LARGE1: variants seen among roughly 807,000 people sequenced by gnomAD.
LARGE1 encodes the protein LARGE xylosyl- and glucuronyltransferase 1.
LARGE1 carries 43 observed loss-of-function variants against 87.6 expected under a neutral mutation model. That is an observed-to-expected ratio of 0.49 (90% CI 0.38 to 0.63). The LOEUF is 0.63. Ranked by LOEUF, LARGE1 falls within the 30% of genes least tolerant of loss-of-function variation. The probability of loss-of-function intolerance (pLI) is 0.00; values close to 1 mark genes in which losing one functional copy is unlikely to be tolerated. For missense variants in LARGE1, 802 were observed against 1,000.2 expected, an observed-to-expected ratio of 0.80 and a Z score of 2.67; for synonymous variants, 434 against 394.6, an observed-to-expected ratio of 1.10 and a Z score of -1.18.
chr22:33,131,824 T>C, the LARGE1 span, among the ~76,000 whole-genome samples: 1 of 151,500 alleles, frequency 6.6e-6, no homozygotes, highest in Non-Finnish European at 1.5e-5. Context: ...ATTTTCATGC[T>C]GCTGATAAAG....
chr22:33,915,044 G>GAGAGAGAC (rs1221002604), intron 1 of LARGE1, among the ~76,000 whole-genome samples: 52 of 102,026 alleles, frequency 5.1e-4, no homozygotes, highest in Middle Eastern at 5.2e-3. Flanking sequence ...CACACACACA[G>GAGAGAGAC]AGAGAGAGAG....
At chr22:33,815,731 CTCTG>C (rs1159616400) in intron 1 of LARGE1, among the ~76,000 whole-genome samples, 1 of 152,208 alleles carries the variant, frequency 6.6e-6, no homozygotes, top group Non-Finnish European at 1.5e-5. Context: ...AGGATCTGAA[CTCTG>C]TCTTTCTGTG....
At chr22:33,228,198 T>A (rs1250936760) in intron 11 of LARGE1, among the ~76,000 whole-genome samples, 1 of 152,266 alleles carries the variant, frequency 6.6e-6, no homozygotes, top group Non-Finnish European at 1.5e-5. Context: ...TTTAGAGCAC[T>A]GCCTGGCACA....
the LARGE1 span, among the ~76,000 whole-genome samples, chr22:33,107,267 T>C: frequency 6.8e-6 from 1 of 147,972 alleles, no homozygotes; most frequent in Non-Finnish European, 1.5e-5. Flanking sequence ...CATATTTTAA[T>C]ATTTCCAAAT....
chr22:33,584,480 A>G (rs2078611269), intron 5 of LARGE1, among the ~76,000 whole-genome samples: 1 of 152,202 alleles, frequency 6.6e-6, no homozygotes, highest in Non-Finnish European at 1.5e-5. Flanking sequence ...GTTTTCACTA[A>G]ATTCTTGGAG....
At chr22:33,219,258 T>C (rs1232435280) in intron 11 of LARGE1, among the ~76,000 whole-genome samples, 1 of 152,114 alleles carries the variant, frequency 6.6e-6, no homozygotes, top group Non-Finnish European at 1.5e-5. Flanking sequence ...TATGAATCCA[T>C]ATCTATAAGA....
At chr22:33,439,281 T>C (rs928099390) in intron 6 of LARGE1, among the ~76,000 whole-genome samples, 14 of 151,674 alleles carry the variant, frequency 9.2e-5, no homozygotes, top group African/African-American at 3.2e-4. Context: ...CTAAAGGCAC[T>C]TCTCTTCCTC....
chr22:33,741,785 C>T (rs766672580), intron 2 of LARGE1, among the ~76,000 whole-genome samples: 46 of 152,210 alleles, frequency 3.0e-4, no homozygotes, highest in Non-Finnish European at 5.3e-4. Flanking sequence ...CTCTGTCCTG[C>T]AATCACCTTG....
intron 1 of LARGE1, among the ~76,000 whole-genome samples, chr22:33,779,088 G>A (rs537964918): frequency 2.0e-5 from 3 of 152,048 alleles, no homozygotes; most frequent in African/African-American, 4.8e-5. Context: ...AAACATTTGC[G>A]CGTAAGTACT....
rs559156955 is a variant in LARGE1, at chr22:33,624,217, T to C, written c.491+2027A>G. On this transcript the variant is annotated intron_variant, in intron 4 of 14. Coordinates refer to ENST00000397394, the MANE Select transcript of LARGE1 (RefSeq NM_133642.5). The stretch of plus-strand genomic sequence containing the variant: ...GACTGACTTGTCAAATAAGTAAACA[T>C]TTATTGAGCATGTAATACGTGTCAG... 8.5e-5 allele frequency among the ~76,000 whole-genome samples: 13 copies of C among 152,220 alleles called. 1 individual carries two copies. The South Asian group carries it at 2.7e-3, about 32-fold the overall frequency.
intron 2 of LARGE1, among the ~76,000 whole-genome samples, chr22:33,668,925 A>G (rs959316046): frequency 1.3e-5 from 2 of 152,230 alleles, no homozygotes; most frequent in African/African-American, 4.8e-5. Context: ...CAATAATGGA[A>G]GGGCAAGAGA....
At chr22:33,570,097 A>T (rs2078151183) in intron 5 of LARGE1, among the ~76,000 whole-genome samples, 1 of 152,110 alleles carries the variant, frequency 6.6e-6, no homozygotes, top group Non-Finnish European at 1.5e-5. Flanking sequence ...GAGCTGTGTG[A>T]CCTCAGGTAA....
chr22:33,816,665 C>CGGATGGAT (rs1556115435), intron 1 of LARGE1, among the ~76,000 whole-genome samples: 15 of 125,822 alleles, frequency 1.2e-4, no homozygotes, highest in Admixed American at 3.0e-4. Flanking sequence ...GACGGATGCA[C>CGGATGGAT]GGATGGATGG....
At chr22:33,482,659 G>A (rs1002184003) in intron 6 of LARGE1, among the ~76,000 whole-genome samples, 2 of 152,186 alleles carry the variant, frequency 1.3e-5, no homozygotes, top group Admixed American at 6.5e-5. Flanking sequence ...GGCCACCTAT[G>A]TAACAAACCT....
rs937690372 is a variant in LARGE1, at chr22:33,860,142, AT to A, written c.-83+59852del. On this transcript the variant is annotated intron_variant, in intron 1 of 14. Transcript: ENST00000397394. Reference sequence around the variant, plus strand: ...GTATTTTACAATTAAAAAATTTTAAATTTTTTTTTAAATTAAAAAAAAATTT... The same window carrying A: ...GTATTTTACAATTAAAAAATTTTAAATTTTTTTTAAATTAAAAAAAAATTT... Among the ~76,000 whole-genome samples the A allele has an allele frequency of 1.6e-3, 242 of 151,778 alleles. 1 individual carries two copies. The highest frequency in any genetic ancestry group is 5.2e-3 in the African/African-American group (215 of 41,398).
At chr22:33,798,281 ACT>A (rs1365319100) in intron 1 of LARGE1, among the ~76,000 whole-genome samples, 1 of 147,818 alleles carries the variant, frequency 6.8e-6, no homozygotes, top group Non-Finnish European at 1.5e-5. Flanking sequence ...CAAGAGCGAA[ACT>A]CTGTCTCTCA....
chr22:33,576,614 T>C (rs1364495762), intron 5 of LARGE1, among the ~76,000 whole-genome samples: 1 of 152,166 alleles, frequency 6.6e-6, no homozygotes, highest in Non-Finnish European at 1.5e-5. Context: ...TGCTCATATA[T>C]ACAGATATCA....
At chr22:33,728,955 G>T (rs1217098156) in intron 2 of LARGE1, among the ~76,000 whole-genome samples, 1 of 152,088 alleles carries the variant, frequency 6.6e-6, no homozygotes, top group African/African-American at 2.4e-5. Flanking sequence ...AAAAGATCCA[G>T]AAGCTCAAAG....
At chr22:33,223,031 G>A (rs1266544414) in intron 11 of LARGE1, among the ~76,000 whole-genome samples, 3 of 152,282 alleles carry the variant, frequency 2.0e-5, no homozygotes, top group East Asian at 1.9e-4. Flanking sequence ...CAGGGGAGAC[G>A]CATGGGTGTG....
Sources: allele counts gnomAD v4.1 joint callset (sites outside exome capture counted in the v4.1 genomes callset), GRCh38; gene constraint gnomAD v4.1.1; transcripts MANE v1.5; gene names NCBI Gene and HGNC (gene_info 2026-07-23, HGNC 2026-07-21).